CTTNBP2: variants seen among roughly 807,000 people sequenced by gnomAD.
CTTNBP2 encodes the protein cortactin-binding protein 2.
A neutral mutation model predicts 156.9 loss-of-function variants in CTTNBP2; 108 were observed. The observed-to-expected ratio is 0.69, with a 90% confidence interval of 0.59 to 0.81. The LOEUF (loss-of-function observed/expected upper bound fraction) is 0.81. CTTNBP2 is among the 30% of genes least tolerant of loss of function. The probability of loss-of-function intolerance (pLI) is 0.00; values close to 1 mark genes in which losing one functional copy is unlikely to be tolerated. For missense variants in CTTNBP2, 1,924 were observed against 2,035.4 expected, an observed-to-expected ratio of 0.95 and a Z score of 1.05; for synonymous variants, 767 against 751.8, an observed-to-expected ratio of 1.02 and a Z score of -0.33.
chr7:117,863,914 A>T (rs1399959839), intron 1 of CTTNBP2, among the ~76,000 whole-genome samples: 1 of 152,174 alleles, frequency 6.6e-6, no homozygotes, highest in East Asian at 1.9e-4. Context: ...TGGGAGAGTA[A>T]GCTGCAATTC....
At chr7:117,852,497 A>G (rs569797510) in intron 2 of CTTNBP2, among the ~76,000 whole-genome samples, 5 of 152,226 alleles carry the variant, frequency 3.3e-5, no homozygotes, top group African/African-American at 7.2e-5. Context: ...CAGCATTCTC[A>G]AGTGCACCAG....
chr7:117,820,909 T>C (rs1800924053), intron 2 of CTTNBP2, among the ~76,000 whole-genome samples: 3 of 152,224 alleles, frequency 2.0e-5, no homozygotes, highest in African/African-American at 2.4e-5. Context: ...AGTCATTTTA[T>C]ATTCTCTCAG....
intron 2 of CTTNBP2, among the ~76,000 whole-genome samples, chr7:117,817,386 A>ATATATATATATATATATATATATATATG (rs1800683580): frequency 7.8e-6 from 1 of 128,308 alleles, no homozygotes; most frequent in Non-Finnish European, 1.7e-5. Flanking sequence ...ATATATATAT[A>ATATATATATATATATATATATATATATG]TAATTTCATC....
chr7:117,865,838 A>C (rs1804155714), intron 1 of CTTNBP2, among the ~76,000 whole-genome samples: 1 of 150,140 alleles, frequency 6.7e-6, no homozygotes, highest in Non-Finnish European at 1.5e-5. Context: ...GAATCTGGTC[A>C]TCAAAGTATG....
chr7:117,854,407 G>C (rs1376316405), intron 2 of CTTNBP2, among the ~76,000 whole-genome samples: 14 of 152,168 alleles, frequency 9.2e-5, no homozygotes, highest in Non-Finnish European at 1.5e-5. Context: ...CATGTCATAT[G>C]AGGAAAACAT....
In CTTNBP2 at chr7:117,792,383, C is replaced by T. The variant is rs1799079718; in HGVS notation, c.813G>A (p.Arg271=). The change falls in exon 4 of 23, where the codon AGG becomes AGA. Residue 271 remains arginine, a synonymous_variant. Transcript: ENST00000160373. The surrounding 1 kb of genome is among the most constrained non-coding windows in gnomAD (Gnocchi z 4.2). The part of the protein sequence containing the change: ...KMRKMIEQLK[R]GSDSKPSLSL... The stretch of plus-strand genomic sequence containing the variant: ...AGAGGCTTGGTTTGCTGTCACTTCC[C>T]CTTTTCAGTTGCTCAATCATTTTCC... The T allele has an allele frequency of 1.2e-6, 2 of 1,614,130 alleles. No homozygotes were observed. Among genetic ancestry groups the T allele is most frequent in the African/African-American group, 1.3e-5 (1 of 75,020 alleles).
At chr7:117,714,408 C>T (rs1289743915) in intron 22 of CTTNBP2, 1 of 152,180 alleles carries the variant, frequency 6.6e-6, no homozygotes, top group Admixed American at 6.5e-5. Context: ...ACGTAGTATT[C>T]AGAAAACATG....
intron 3 of CTTNBP2, among the ~76,000 whole-genome samples, chr7:117,807,070 C>A (rs934072657): frequency 6.6e-6 from 1 of 152,018 alleles, no homozygotes; most frequent in Non-Finnish European, 1.5e-5. Flanking sequence ...TCATTTCTAT[C>A]TACATGGATC....
chr7:117,831,244 CCT>C (rs1801595154), intron 2 of CTTNBP2, among the ~76,000 whole-genome samples: 1 of 152,132 alleles, frequency 6.6e-6, no homozygotes, highest in African/African-American at 2.4e-5. Context: ...ATTAGAACTC[CCT>C]GACACCTTCA....
At chr7:117,755,600 T>C (rs1423660072) in intron 12 of CTTNBP2, 1 of 465,784 alleles carries the variant, frequency 2.1e-6, no homozygotes, top group Admixed American at 2.4e-5. Context: ...AATTATCTCA[T>C]AGGGATGTTT....
intron 10 of CTTNBP2, among the ~76,000 whole-genome samples, chr7:117,759,546 T>A (rs1377657880): frequency 6.6e-6 from 1 of 152,362 alleles, no homozygotes; most frequent in Non-Finnish European, 1.5e-5. Flanking sequence ...CACTTTCTGA[T>A]GTAACAATCT....
Position 117,848,267 on chromosome 7 carries a change from A to G in CTTNBP2, c.189+12942T>C, listed in dbSNP as rs532711021. On this transcript the variant is annotated intron_variant, in intron 2 of 22. Transcript: ENST00000160373. The stretch of plus-strand genomic sequence containing the variant: ...TGCTTCCTGAGATGATCTGCTGCAG[A>G]TTCAGTTCACAGCAGACCACTCTGC... Among the ~76,000 whole-genome samples, 33 of 152,202 alleles carry G rather than the reference A, an allele frequency of 2.2e-4. No individual in the cohort carries two copies. The South Asian group carries it at 6.6e-3, about 31-fold the overall frequency.
At chr7:117,820,695 A>G (rs1800906405) in intron 2 of CTTNBP2, among the ~76,000 whole-genome samples, 1 of 152,126 alleles carries the variant, frequency 6.6e-6, no homozygotes, top group Non-Finnish European at 1.5e-5. Flanking sequence ...ATGTGACTCT[A>G]TTTCTGGATT....
Position 117,757,942 on chromosome 7 carries a change from GCTCTGA to G in CTTNBP2, c.3195_3200del (p.Gln1066_Ser1067del). ...TAAAGTCCCACGGGGACTGCGCGAAGCTCTGACCCACTGACCACGGCACATTTCCTA... is the reference window on the plus strand; with the variant it reads ...TAAAGTCCCACGGGGACTGCGCGAAGCCCACTGACCACGGCACATTTCCTA... On this transcript the variant is annotated inframe_deletion, in exon 11 of 23. Transcript: ENST00000160373. 6.2e-7 allele frequency: 1 copy of G among 1,613,522 alleles called. No individual in the cohort carries two copies. The highest frequency in any genetic ancestry group is 8.5e-7 in the Non-Finnish European group (1 of 1,179,778).
intron 4 of CTTNBP2, among the ~76,000 whole-genome samples, chr7:117,789,361 G>C (rs1395176265): frequency 6.6e-6 from 1 of 152,078 alleles, no homozygotes; most frequent in Non-Finnish European, 1.5e-5. Flanking sequence ...TATATCCTAG[G>C]AAGTGTTTTC....
intron 12 of CTTNBP2, 134 bp from the exon 13 acceptor site, chr7:117,746,233 A>C: frequency 1.6e-6 from 1 of 644,872 alleles, no homozygotes; most frequent in Non-Finnish European, 2.7e-6. Flanking sequence ...TTTAGAGATT[A>C]GCTTTATCAT....
intron 3 of CTTNBP2, among the ~76,000 whole-genome samples, chr7:117,806,376 T>C (rs1368816133): frequency 6.6e-6 from 1 of 152,172 alleles, no homozygotes; most frequent in Non-Finnish European, 1.5e-5. Context: ...TTACAGCCAT[T>C]TATAAATTGA....
At chr7:117,839,962 A>G (rs1460279062) in intron 2 of CTTNBP2, among the ~76,000 whole-genome samples, 1 of 152,234 alleles carries the variant, frequency 6.6e-6, no homozygotes, top group African/African-American at 2.4e-5. Context: ...TATTTTCCTG[A>G]TTTTGAAAGA....
chr7:117,763,907 T>C (rs1158153689), intron 9 of CTTNBP2, among the ~76,000 whole-genome samples: 1 of 152,014 alleles, frequency 6.6e-6, no homozygotes, highest in Non-Finnish European at 1.5e-5. Flanking sequence ...CCTTCCTATT[T>C]CCCAATCTTC....
Sources: allele counts gnomAD v4.1 joint callset (sites outside exome capture counted in the v4.1 genomes callset), GRCh38; gene constraint gnomAD v4.1.1; non-coding constraint Gnocchi (gnomAD v3.1); transcripts MANE v1.5; gene names NCBI Gene and HGNC (gene_info 2026-07-23, HGNC 2026-07-21).